CACNA1C: variants seen among roughly 807,000 people sequenced by gnomAD.
CACNA1C encodes the protein calcium voltage-gated channel subunit alpha1 C.
In CACNA1C, 30 loss-of-function variants were observed where a neutral mutation model predicts 229.0. That is an observed-to-expected ratio of 0.13 (90% CI 0.10 to 0.18). The LOEUF (loss-of-function observed/expected upper bound fraction) is 0.18, where lower values mean the gene tolerates loss of function less well. CACNA1C is among the 10% of genes least tolerant of loss of function. The pLI is 1.00. For missense variants in CACNA1C, 1,658 were observed against 2,845.0 expected (o/e 0.58, Z 9.49); for synonymous variants, 1,114 against 1,132.5 (o/e 0.98, Z 0.33).
At chr12:2,201,064 T>G (rs1279268487) in intron 3 of CACNA1C, among the ~76,000 whole-genome samples, 1 of 152,208 alleles carries the variant, frequency 6.6e-6, no homozygotes, top group South Asian at 2.1e-4. Flanking sequence ...TTTCTAGACT[T>G]CAGAGTTCCT....
In CACNA1C at chr12:2,220,697, CT is replaced by C. The variant is rs2061238605; in HGVS notation, c.477+100269del. The C allele has an allele frequency of 2.0e-5, 3 of 152,206 alleles. 1 individual carries two copies. In the South Asian group the frequency reaches 6.2e-4, roughly 32 times the overall value. 9.4% of individuals were successfully genotyped at this position (152,206 alleles called of 1,614,324 possible). A position where few individuals can be genotyped will look rare whatever the true frequency, so the allele number is the denominator to read the frequency against. On this transcript the variant is annotated intron_variant, in intron 3 of 46. Transcript: ENST00000399655. ...GTGGTAAGTTTTACATTAGTTTTAG[CT>C]TGAGTATTATGCTTGGTTAGCGCAA...
chr12:2,359,229 T>C (rs1013682851), intron 3 of CACNA1C, among the ~76,000 whole-genome samples: 1 of 152,226 alleles, frequency 6.6e-6, no homozygotes, highest in Non-Finnish European at 1.5e-5. Context: ...TCCCACTTGC[T>C]CGGTCCTTCG....
chr12:2,619,325 C>T (rs893452339), intron 29 of CACNA1C, among the ~76,000 whole-genome samples: 10 of 152,208 alleles, frequency 6.6e-5, no homozygotes, highest in Non-Finnish European at 1.2e-4. Context: ...GAAACTCAGC[C>T]GGATCCCTAC....
intron 37 of CACNA1C, among the ~76,000 whole-genome samples, chr12:2,668,295 A>G (rs2096345679): frequency 6.6e-6 from 1 of 152,134 alleles, no homozygotes; most frequent in Non-Finnish European, 1.5e-5. Flanking sequence ...GTGAAGGTCT[A>G]ATGAGGACAA....
chr12:2,611,240 G>A (rs2077569402), intron 28 of CACNA1C, among the ~76,000 whole-genome samples: 1 of 136,888 alleles, frequency 7.3e-6, no homozygotes, highest in Non-Finnish European at 1.6e-5. Context: ...GGAGAGAGGG[G>A]AGGAGATGGA....
rs114355538 is a variant in CACNA1C, at chr12:2,150,212, G to A, written c.477+29782G>A. Among the ~76,000 whole-genome samples, 324 of 152,322 alleles carry A rather than the reference G, an allele frequency of 2.1e-3. 1 individual carries two copies. Among genetic ancestry groups the A allele is most frequent in the African/African-American group, 7.5e-3 (310 of 41,582 alleles). ...GGCCTGGAGCTTGCAGGATAAGCCC[G>A]TGTCTGGCTGCACTGTAAAAATAAC... On this transcript the variant is annotated intron_variant, in intron 3 of 46. Coordinates refer to ENST00000399655, the MANE Select transcript of CACNA1C (RefSeq NM_000719.7).
intron 1 of CACNA1C, among the ~76,000 whole-genome samples, chr12:2,016,765 C>T (rs1160956138): frequency 6.6e-6 from 1 of 152,182 alleles, no homozygotes; most frequent in East Asian, 1.9e-4. Flanking sequence ...CCTGATCTAC[C>T]AGGCAATCTG....
intron 8 of CACNA1C, among the ~76,000 whole-genome samples, chr12:2,511,240 A>G (rs755933311): frequency 6.6e-6 from 1 of 152,162 alleles, no homozygotes; most frequent in Non-Finnish European, 1.5e-5. Context: ...AAAGTTCCCT[A>G]GGCCCCACCC....
intron 3 of CACNA1C, among the ~76,000 whole-genome samples, chr12:2,240,015 C>T (rs1337684370): frequency 6.6e-5 from 10 of 152,232 alleles, no homozygotes; most frequent in African/African-American, 2.4e-4. Context: ...AAATTTCTTT[C>T]AAACTGCTTT....
At chr12:2,144,752 A>T (rs755669549) in intron 3 of CACNA1C, among the ~76,000 whole-genome samples, 2 of 151,556 alleles carry the variant, frequency 1.3e-5, no homozygotes, top group Admixed American at 1.3e-4. Context: ...ATTGAAAAAA[A>T]TGTTTTAGGG....
At chr12:2,529,155 G>A (rs2099835025) in intron 9 of CACNA1C, among the ~76,000 whole-genome samples, 1 of 152,190 alleles carries the variant, frequency 6.6e-6, no homozygotes, top group Non-Finnish European at 1.5e-5. Flanking sequence ...AGTTAGGTTT[G>A]GTGACCTCAT....
At chr12:2,307,895 A>G (rs1284152941) in intron 3 of CACNA1C, among the ~76,000 whole-genome samples, 1 of 152,082 alleles carries the variant, frequency 6.6e-6, no homozygotes, top group African/African-American at 2.4e-5. Flanking sequence ...CACAGAGGCT[A>G]CTCTTCATGG....
At chr12:2,130,012 A>T (rs1413327106) in intron 3 of CACNA1C, among the ~76,000 whole-genome samples, 4 of 151,908 alleles carry the variant, frequency 2.6e-5, no homozygotes, top group African/African-American at 9.7e-5. Context: ...GGCTTCTTAG[A>T]AGCCATTTTT....
rs2061792852 is a variant in CACNA1C, at chr12:2,584,763, G to A, written c.2339+146G>A. On this transcript the variant is annotated intron_variant, in intron 16 of 46. Coordinates refer to ENST00000399655, the MANE Select transcript of CACNA1C (RefSeq NM_000719.7). Reference sequence around the variant, plus strand: ...TCTGGGTTTGGGGCTTCCTAAGTTGGGCCTCTCTCCTAATTCCTAAGCATC... The same window carrying A: ...TCTGGGTTTGGGGCTTCCTAAGTTGAGCCTCTCTCCTAATTCCTAAGCATC... 29 of 601,318 alleles carry A rather than the reference G, an allele frequency of 4.8e-5. No individual in the cohort carries two copies. In the South Asian group the frequency reaches 6.2e-4, roughly 13 times the overall value. The allele number at this position is 601,318 out of a possible 1,614,324, so 37.2% of individuals were successfully genotyped here. A position where few individuals can be genotyped will look rare whatever the true frequency, so the allele number is the denominator to read the frequency against.
chr12:2,089,731 T>G (rs1316789836), intron 1 of CACNA1C, among the ~76,000 whole-genome samples: 1 of 152,200 alleles, frequency 6.6e-6, no homozygotes, highest in Non-Finnish European at 1.5e-5. Flanking sequence ...CCAGAACTTT[T>G]TCATCTTGAA....
intron 3 of CACNA1C, among the ~76,000 whole-genome samples, chr12:2,187,166 A>C (rs1258123452): frequency 2.0e-5 from 3 of 152,146 alleles, no homozygotes; most frequent in Admixed American, 1.3e-4. Context: ...AATTTTTACC[A>C]TCATTCTGTG....
intron 13 of CACNA1C, among the ~76,000 whole-genome samples, chr12:2,572,332 TCTCTTCTTCCTCCTC>T (rs2055188211): frequency 3.1e-5 from 1 of 32,480 alleles, no homozygotes; most frequent in African/African-American, 1.1e-4. Context: ...TCCTCCTCCT[TCTCTTCTTCCTCCTC>T]CTCCTCCTCT....
chr12:2,224,478 A>C (rs2062354009), intron 3 of CACNA1C, among the ~76,000 whole-genome samples: 1 of 152,182 alleles, frequency 6.6e-6, no homozygotes, highest in Admixed American at 6.5e-5. Flanking sequence ...CTTGTACATG[A>C]GCTCCCACAT....
At chr12:2,060,867 G>A (rs1021375847) in intron 1 of CACNA1C, among the ~76,000 whole-genome samples, 7 of 152,212 alleles carry the variant, frequency 4.6e-5, no homozygotes, top group African/African-American at 1.7e-4. Flanking sequence ...TCTCCATATT[G>A]CCTGTGGGCA....
Sources: allele counts gnomAD v4.1 joint callset (sites outside exome capture counted in the v4.1 genomes callset), GRCh38; gene constraint gnomAD v4.1.1; transcripts MANE v1.5; gene names NCBI Gene and HGNC (gene_info 2026-07-23, HGNC 2026-07-21).